FGF13: variants seen among roughly 807,000 people sequenced by gnomAD.
The protein encoded by FGF13 is fibroblast growth factor 13.
FGF13 carries 2 observed loss-of-function variants against 19.5 expected under a neutral mutation model. The ratio of observed to expected loss-of-function variants is 0.10; its 90% confidence interval spans 0.04 to 0.32. FGF13 has a LOEUF of 0.32. Ranked by LOEUF, FGF13 falls within the 10% of genes least tolerant of loss-of-function variation. The probability of loss-of-function intolerance (pLI) is 1.00; values close to 1 mark genes in which losing one functional copy is unlikely to be tolerated. For missense variants in FGF13, 113 were observed against 192.7 expected (o/e 0.59, Z 2.45); for synonymous variants, 72 against 76.9 (o/e 0.94, Z 0.33).
At chrX:139,168,092 C>A (rs189032673) in intron 1 of FGF13, among the ~76,000 whole-genome samples, 91 of 111,705 alleles carry the variant, frequency 8.1e-4, no homozygotes, top group African/African-American at 2.8e-3. Context: ...TCATTTAAAA[C>A]CTTTCATGAA....
chrX:138,662,143 C>T (rs1290396064), intron 3 of FGF13, among the ~76,000 whole-genome samples: 1 of 111,516 alleles, frequency 9.0e-6, no homozygotes, highest in Non-Finnish European at 1.9e-5. Flanking sequence ...TTAGTAAAGT[C>T]GAAATTCCTG....
chrX:138,946,106 C>T (rs887501746), intron 1 of FGF13, among the ~76,000 whole-genome samples: 1 of 111,688 alleles, frequency 9.0e-6, no homozygotes, highest in Non-Finnish European at 1.9e-5. Flanking sequence ...TACCTAACAG[C>T]TCCAAGCCTC....
intron 1 of FGF13, among the ~76,000 whole-genome samples, chrX:139,199,560 A>G (rs768914741): frequency 7.1e-5 from 8 of 111,957 alleles, no homozygotes; most frequent in African/African-American, 2.6e-4. Context: ...CGCCTTACAA[A>G]TCAGCCCTCT....
At chrX:139,027,832 A>G (rs2092206522) in intron 1 of FGF13, among the ~76,000 whole-genome samples, 1 of 112,037 alleles carries the variant, frequency 8.9e-6, no homozygotes, top group African/African-American at 3.2e-5. Flanking sequence ...ACTCAGAGAG[A>G]AGGAATTCTG....
At chrX:138,772,528 T>C (rs1238176183) in intron 3 of FGF13, among the ~76,000 whole-genome samples, 1 of 111,553 alleles carries the variant, frequency 9.0e-6, no homozygotes, top group African/African-American at 3.3e-5. Flanking sequence ...ATATATTTTG[T>C]ATGTGAGTTC....
rs190148179 is a variant in FGF13 at position 138,749,307 on chromosome X, G to A, written c.218-40379C>T. On this transcript the variant is annotated intron_variant, in intron 3 of 6. Transcript: ENST00000436198. ...GCCTAAATGAGCTTTTAGTCCCAGGGGGGAGAGACCAAAATACACACACAC... is the reference window on the plus strand; with the variant it reads ...GCCTAAATGAGCTTTTAGTCCCAGGAGGGAGAGACCAAAATACACACACAC... 5.9e-4 allele frequency among the ~76,000 whole-genome samples: 58 copies of A among 98,795 alleles called. 1 individual carries two copies. The South Asian group carries it at 0.02, about 34-fold the overall frequency. 85.8% of individuals were successfully genotyped at this position (98,795 alleles called of 115,157 possible).
chrX:138,958,208 C>A (rs771293609), intron 1 of FGF13, among the ~76,000 whole-genome samples: 9 of 111,651 alleles, frequency 8.1e-5, no homozygotes, highest in Non-Finnish European at 1.7e-4. Context: ...CCATTGATAC[C>A]TAGTTTATTG....
chrX:138,887,030 C>T (rs2091454704), intron 1 of FGF13, among the ~76,000 whole-genome samples: 1 of 111,356 alleles, frequency 9.0e-6, no homozygotes, highest in Non-Finnish European at 1.9e-5. Flanking sequence ...GCAAGTAGAT[C>T]CAATGTTGCA....
intron 1 of FGF13, among the ~76,000 whole-genome samples, chrX:139,164,932 A>G (rs1303519280): frequency 9.0e-6 from 1 of 111,140 alleles, no homozygotes; most frequent in Non-Finnish European, 1.9e-5. Flanking sequence ...TATAGGAGCA[A>G]GTTTAAAAAC....
At chrX:139,183,441 G>A (rs1356872025) in intron 1 of FGF13, among the ~76,000 whole-genome samples, 7 of 111,883 alleles carry the variant, frequency 6.3e-5, no homozygotes, top group Non-Finnish European at 1.3e-4. Context: ...GGCCTAGTGG[G>A]AGGTGTTTGG....
chrX:138,811,084 C>G (rs1052451455), intron 3 of FGF13, among the ~76,000 whole-genome samples: 2 of 112,042 alleles, frequency 1.8e-5, no homozygotes, highest in Non-Finnish European at 3.8e-5. Context: ...ACGCAGCCAT[C>G]CCATTACTGG....
intron 1 of FGF13, among the ~76,000 whole-genome samples, chrX:139,010,895 A>G (rs1163148190): frequency 8.9e-6 from 1 of 111,794 alleles, no homozygotes; most frequent in Non-Finnish European, 1.9e-5. Context: ...AGTAAAATTG[A>G]TAGACAATTA....
intron 1 of FGF13, among the ~76,000 whole-genome samples, chrX:138,866,578 C>T (rs982590678): frequency 9.0e-6 from 1 of 110,904 alleles, no homozygotes; most frequent in Non-Finnish European, 1.9e-5. Flanking sequence ...CGCTCCCACC[C>T]CCACCACCAC....
At chrX:139,136,814 T>C (rs1228267272) in intron 1 of FGF13, among the ~76,000 whole-genome samples, 1 of 111,798 alleles carries the variant, frequency 8.9e-6, no homozygotes, top group Non-Finnish European at 1.9e-5. Context: ...TACCAAAATG[T>C]CAAAAACCCC....
At chrX:138,634,320 G>A (rs1288223791) in intron 4 of FGF13, among the ~76,000 whole-genome samples, 5 of 111,632 alleles carry the variant, frequency 4.5e-5, no homozygotes, top group Admixed American at 2.8e-4. Flanking sequence ...CTCGTGATCC[G>A]CCCGCCTCGG....
At chrX:138,933,200 T>A (rs1383951904) in intron 1 of FGF13, among the ~76,000 whole-genome samples, 1 of 112,066 alleles carries the variant, frequency 8.9e-6, no homozygotes, top group Non-Finnish European at 1.9e-5. Context: ...ACTGAGGGCA[T>A]TGACCATGTC....
At chrX:138,655,777 T>C (rs1434032855) in intron 3 of FGF13, among the ~76,000 whole-genome samples, 2 of 112,074 alleles carry the variant, frequency 1.8e-5, no homozygotes, top group Non-Finnish European at 3.8e-5. Flanking sequence ...GTTACATCCA[T>C]CCTGAGATTA....
At chrX:138,687,353 G>C (rs2089793291) in intron 3 of FGF13, among the ~76,000 whole-genome samples, 1 of 111,766 alleles carries the variant, frequency 8.9e-6, no homozygotes. Context: ...GACTTGAATA[G>C]ACATTTCTCA....
chrX:139,160,811 C>T (rs2084024742), intron 1 of FGF13, among the ~76,000 whole-genome samples: 1 of 111,754 alleles, frequency 8.9e-6, no homozygotes, highest in South Asian at 3.7e-4. Context: ...AGTCAATTCC[C>T]TGAATAGACC....
Sources: allele counts gnomAD v4.1 joint callset (sites outside exome capture counted in the v4.1 genomes callset), GRCh38; gene constraint gnomAD v4.1.1; transcripts MANE v1.5; gene names NCBI Gene and HGNC (gene_info 2026-07-23, HGNC 2026-07-21).